The following CFAP58 variants were observed in gnomAD, a reference collection of about 807,000 sequenced individuals.
CFAP58 encodes the protein cilia- and flagella-associated protein 58.
CFAP58 carries 88 observed loss-of-function variants against 119.5 expected under a neutral mutation model. The ratio of observed to expected loss-of-function variants is 0.74; its 90% CI spans 0.62 to 0.88. CFAP58 has a LOEUF of 0.88. Among genes scored for constraint, CFAP58 ranks in the 40% least tolerant of loss-of-function variants. CFAP58 has a pLI of 0.00. For missense variants in CFAP58, 990 were observed against 1,021.2 expected, an observed-to-expected ratio of 0.97 and a Z score of 0.42; for synonymous variants, 365 against 366.3, an observed-to-expected ratio of 1.00 and a Z score of 0.04.
intron 2 of CFAP58, among the ~76,000 whole-genome samples, chr10:104,361,481 G>A (rs749227466): frequency 4.6e-5 from 7 of 152,164 alleles, no homozygotes; most frequent in Non-Finnish European, 1.0e-4. Context: ...CAAATCTTTC[G>A]AGAGGTTTAA....
At chr10:104,439,718 A>ACAACAACAACAG (rs1484669815) in intron 15 of CFAP58, among the ~76,000 whole-genome samples, 7 of 152,208 alleles carry the variant, frequency 4.6e-5, no homozygotes, top group African/African-American at 1.7e-4. Context: ...AACAACAACA[A>ACAACAACAACAG]CAACAACAAC....
upstream of CFAP58, among the ~76,000 whole-genome samples, chr10:104,349,273 A>T (rs2014432410): frequency 6.6e-6 from 1 of 152,146 alleles, no homozygotes; most frequent in Non-Finnish European, 1.5e-5. Flanking sequence ...AAAACAAAAC[A>T]AAACAAAACA....
chr10:104,379,880 A>G (rs1278045294), intron 8 of CFAP58, 149 bp from the exon 9 acceptor site: 4 of 735,946 alleles, frequency 5.4e-6, no homozygotes, highest in Non-Finnish European at 6.7e-6. Context: ...AGCATAACAA[A>G]CTCTTAATAA....
At chr10:104,403,578 C>G (rs2012305218) in intron 13 of CFAP58, 151 bp from the exon 14 acceptor site, 1 of 399,974 alleles carries the variant, frequency 2.5e-6, no homozygotes, top group African/African-American at 2.1e-5. Context: ...ATCATCTTGC[C>G]CAGAATTAGG....
At chr10:104,376,327 C>T (rs1380208119) in intron 7 of CFAP58, among the ~76,000 whole-genome samples, 2 of 151,544 alleles carry the variant, frequency 1.3e-5, no homozygotes, top group African/African-American at 4.8e-5. Context: ...TAGTCCTCAC[C>T]TGTCTTTACT....
intron 15 of CFAP58, among the ~76,000 whole-genome samples, chr10:104,427,811 C>T (rs1330064284): frequency 6.6e-6 from 1 of 152,132 alleles, no homozygotes; most frequent in Non-Finnish European, 1.5e-5. Context: ...GAGGACCCAG[C>T]CAGGTGGCCC....
chr10:104,442,498 T>G lies in CFAP58; in HGVS notation c.2257-5200T>G, dbSNP rs1272644737. Among the ~76,000 whole-genome samples the G allele has an allele frequency of 2.7e-5, 4 of 150,582 alleles. No homozygotes were observed. The East Asian group carries it at 7.8e-4, about 29-fold the overall frequency. ...AGCTACTCAGGAGGCTGAGGCAGGATAATCTCTTGAACCCGCGAGGTGGAG... is the reference window on the plus strand; with the variant it reads ...AGCTACTCAGGAGGCTGAGGCAGGAGAATCTCTTGAACCCGCGAGGTGGAG... On this transcript the variant is annotated intron_variant, in intron 15 of 17. Coordinates refer to ENST00000369704, the MANE Select transcript of CFAP58 (RefSeq NM_001008723.2).
At chr10:104,452,443 T>C (rs2013211774) in intron 17 of CFAP58, among the ~76,000 whole-genome samples, 1 of 152,226 alleles carries the variant, frequency 6.6e-6, no homozygotes, top group South Asian at 2.1e-4. Flanking sequence ...ATTATCTTTC[T>C]AGAGCTGATT....
rs1321380751 is a variant in CFAP58, at chr10:104,386,456, AAAAT to A, written c.1366-5769_1366-5766del. 7.2e-5 allele frequency among the ~76,000 whole-genome samples: 11 copies of A among 152,268 alleles called. No individual in the cohort carries two copies. The South Asian group carries it at 1.4e-3, about 20-fold the overall frequency. ...GTATTACTTTAGTATCCTGATTTAA[AAAAT>A]AAATAAACACTATTAATAACCTTGC... is the stretch of plus-strand genomic sequence containing the variant. On this transcript the variant is annotated intron_variant, in intron 9 of 17. Coordinates refer to ENST00000369704, the MANE Select transcript of CFAP58 (RefSeq NM_001008723.2).
upstream of CFAP58, among the ~76,000 whole-genome samples, chr10:104,350,014 A>G (rs553627461): frequency 6.6e-6 from 1 of 152,364 alleles, no homozygotes; most frequent in African/African-American, 2.4e-5. Flanking sequence ...GGGCCAGATT[A>G]CACAGGACCT....
At chr10:104,440,057 C>T (rs549304890) in intron 15 of CFAP58, among the ~76,000 whole-genome samples, 4 of 152,266 alleles carry the variant, frequency 2.6e-5, no homozygotes, top group African/African-American at 7.2e-5. Flanking sequence ...CTCCTGACCT[C>T]GTGATCCACC....
chr10:104,382,479 G>A, intron 9 of CFAP58: 1 of 381,476 alleles, frequency 2.6e-6, no homozygotes, highest in South Asian at 4.0e-5. Flanking sequence ...TTATTACTCT[G>A]GATATAAACC....
intron 15 of CFAP58, among the ~76,000 whole-genome samples, chr10:104,415,669 G>A (rs895701945): frequency 6.6e-6 from 1 of 152,160 alleles, no homozygotes; most frequent in African/African-American, 2.4e-5. Context: ...TACCTGTTAC[G>A]TGAGATCAGG....
rs772628264 is a variant in CFAP58, at chr10:104,393,474, A to G, written c.1673A>G (p.Lys558Arg). The change falls in exon 11 of 18, where the codon AAG (lysine) becomes AGG (arginine). Residue 558 changes from lysine to arginine, a missense_variant and splice_region_variant. Lys to Arg is a conservative substitution (Grantham distance 26). Coordinates refer to ENST00000369704, the MANE Select transcript of CFAP58 (RefSeq NM_001008723.2). Reference protein sequence around the residue: ...QRIEKEKETLKAELQKLRQQA... With the variant: ...QRIEKEKETLRAELQKLRQQA... ...ATAGAAAAGGAAAAGGAAACATTGA[A>G]GGTACTGACCTCATAGTAAAAGCAA... 2 of 1,613,344 alleles carry G rather than the reference A, an allele frequency of 1.2e-6. No individual in the cohort carries two copies. The highest frequency in any genetic ancestry group is 2.7e-5 in the African/African-American group (2 of 74,914).
At chr10:104,382,823 C>G (rs527387986) in intron 9 of CFAP58, among the ~76,000 whole-genome samples, 1 of 152,174 alleles carries the variant, frequency 6.6e-6, no homozygotes, top group African/African-American at 2.4e-5. Context: ...CCCCAGCCAG[C>G]GGAACTGGGA....
At chr10:104,397,179 A>T (rs1435420763) in intron 11 of CFAP58, among the ~76,000 whole-genome samples, 2 of 152,240 alleles carry the variant, frequency 1.3e-5, no homozygotes, top group African/African-American at 4.8e-5. Context: ...TAAAGAAAGC[A>T]TGAGCCAAAC....
At chr10:104,423,843 T>C (rs899385220) in intron 15 of CFAP58, among the ~76,000 whole-genome samples, 3 of 152,224 alleles carry the variant, frequency 2.0e-5, no homozygotes, top group African/African-American at 4.8e-5. Flanking sequence ...TATCTATTTT[T>C]ATCTCCTCTG....
upstream of CFAP58, among the ~76,000 whole-genome samples, chr10:104,352,143 A>G (rs1378222227): frequency 6.6e-6 from 1 of 152,226 alleles, no homozygotes; most frequent in Admixed American, 6.5e-5. Context: ...TAATTAGATG[A>G]GTCAATATTT....
intron 16 of CFAP58, 54 bp from the exon 17 acceptor site, chr10:104,450,017 T>C: frequency 1.3e-6 from 2 of 1,542,432 alleles, no homozygotes; most frequent in South Asian, 2.5e-5. Flanking sequence ...TTAAAAGATT[T>C]CTCAGAAAAG....
Sources: allele counts gnomAD v4.1 joint callset (sites outside exome capture counted in the v4.1 genomes callset), GRCh38; gene constraint gnomAD v4.1.1; transcripts MANE v1.5; gene names NCBI Gene and HGNC (gene_info 2026-07-23, HGNC 2026-07-21).